Variants in ANXA6 observed in about 807,000 individuals in gnomAD.
ANXA6 encodes annexin A6, also known as 67 kDa calelectrin.
ANXA6 carries 71 observed loss-of-function variants against 95.4 expected under a neutral mutation model. That is an observed-to-expected ratio of 0.74 (90% CI 0.61 to 0.91). The LOEUF (loss-of-function observed/expected upper bound fraction) is 0.91, where lower values mean the gene tolerates loss of function less well. Ranked by LOEUF, ANXA6 falls within the 40% of genes least tolerant of loss-of-function variation. The pLI is 0.00. For synonymous variants in ANXA6, 289 were observed against 315.9 expected, an observed-to-expected ratio of 0.91 and a Z score of 0.90; for missense variants, 830 against 876.4, an observed-to-expected ratio of 0.95 and a Z score of 0.67.
chr5:151,122,044 G>C, intron 17 of ANXA6, 103 bp downstream of exon 17: 1 of 639,738 alleles, frequency 1.6e-6, no homozygotes, highest in Non-Finnish European at 2.6e-6. Context: ...AGTATGGGAG[G>C]AGTTCTACCA....
At chr5:151,144,633 A>G (rs1561584953) in intron 2 of ANXA6, among the ~76,000 whole-genome samples, 1 of 152,070 alleles carries the variant, frequency 6.6e-6, no homozygotes, top group South Asian at 2.1e-4. Context: ...TCCCCCTCAT[A>G]CAATGTGGGT....
intron 12 of ANXA6, 127 bp from the exon 13 acceptor site, chr5:151,128,366 C>T: frequency 1.3e-6 from 1 of 780,956 alleles, no homozygotes; most frequent in East Asian, 2.7e-5. Context: ...GCAGCCCTGG[C>T]CCTCCTGTGC....
At chr5:151,147,965 C>CT in intron 1 of ANXA6, 39 bp from the exon 2 acceptor site, 1 of 1,547,350 alleles carries the variant, frequency 6.5e-7, no homozygotes, top group South Asian at 1.2e-5. Context: ...TTCCCCCCAA[C>CT]TCTAACCATC....
intron 22 of ANXA6, among the ~76,000 whole-genome samples, chr5:151,109,238 A>G (rs1345387320): frequency 1.3e-5 from 2 of 152,176 alleles, no homozygotes; most frequent in Non-Finnish European, 2.9e-5. Flanking sequence ...GTAGACATTT[A>G]ATGTAGTGCC....
At chr5:151,114,794 A>G (rs1312384060) in intron 20 of ANXA6, among the ~76,000 whole-genome samples, 3 of 152,152 alleles carry the variant, frequency 2.0e-5, no homozygotes, top group Non-Finnish European at 4.4e-5. Flanking sequence ...TGGAAATTGG[A>G]CATATGTTCA....
At chr5:151,125,628 C>T (rs61503705) in intron 14 of ANXA6, among the ~76,000 whole-genome samples, 42,584 of 152,082 alleles carry the variant, frequency 0.28, 6,147 homozygotes, top group Middle Eastern at 0.35. Context: ...TAATCAGAAA[C>T]GCTGATGAAA....
chr5:151,118,402 T>C (rs1765065849), intron 18 of ANXA6, among the ~76,000 whole-genome samples: 1 of 151,970 alleles, frequency 6.6e-6, no homozygotes, highest in African/African-American at 2.4e-5. Context: ...GCTGGGACTA[T>C]AGGCACATGC....
At chr5:151,138,870 C>T (rs967896283) in intron 4 of ANXA6, 79 bp from the exon 5 acceptor site, 60 of 1,000,742 alleles carry the variant, frequency 6.0e-5, no homozygotes, top group Non-Finnish European at 9.3e-5. Flanking sequence ...ACTTAATGAG[C>T]ACTTACTCTG....
At chr5:151,106,162 T>C (rs1409279290) in intron 23 of ANXA6, among the ~76,000 whole-genome samples, 3 of 152,124 alleles carry the variant, frequency 2.0e-5, no homozygotes, top group Non-Finnish European at 4.4e-5. Flanking sequence ...CTCCCTACCC[T>C]GGCTGCAGAT....
chr5:151,123,144 T>A (rs1208915238), intron 15 of ANXA6, 133 bp from the exon 16 acceptor site: 1 of 727,426 alleles, frequency 1.4e-6, no homozygotes, highest in Non-Finnish European at 2.4e-6. Flanking sequence ...TGCTCCTGAG[T>A]CCCTGCAGTC....
At position 151,101,047 on chromosome 5, in the gene ANXA6, A is replaced by C; in HGVS notation, c.*401T>G. 1 of 469,406 alleles carries C rather than the reference A, an allele frequency of 2.1e-6. No homozygotes were observed. Among genetic ancestry groups the C allele is most frequent in the Non-Finnish European group, 4.2e-6 (1 of 236,200 alleles). 29.1% of individuals were successfully genotyped at this position (469,406 alleles called of 1,614,324 possible). The stretch of plus-strand genomic sequence containing the variant: ...TACTATCCTTCCCACCACCCCGCCC[A>C]GCACATTCAACTGGCCCCTGCCACC... On this transcript the variant is annotated 3_prime_UTR_variant, in exon 26 of 26. Coordinates refer to ENST00000354546, the MANE Select transcript of ANXA6 (RefSeq NM_001155.5).
At chr5:151,110,507 G>T in intron 21 of ANXA6, 120 bp downstream of exon 21, 2 of 1,108,468 alleles carry the variant, frequency 1.8e-6, no homozygotes, top group Non-Finnish European at 2.6e-6. Flanking sequence ...CCCGGAAGGG[G>T]AGAGAGAGAA....
At position 151,150,730 on chromosome 5, in the gene ANXA6, G is replaced by A. The variant is rs556241817; in HGVS notation, c.-25-2804C>T. The stretch of plus-strand genomic sequence containing the variant: ...CTGTACCCCCTTTCCAGTGTGTGGT[G>A]GGGGGAGGAGGGGGCCCACATCTAC... On this transcript the variant is annotated intron_variant, in intron 1 of 25. Transcript: ENST00000354546. 8.8e-4 allele frequency among the ~76,000 whole-genome samples: 134 copies of A among 152,314 alleles called. 5 individuals carry two copies. The South Asian group carries it at 0.027, about 31-fold the overall frequency.
chr5:151,129,658 G>T, intron 11 of ANXA6, 129 bp from the exon 12 acceptor site: 1 of 1,072,570 alleles, frequency 9.3e-7, no homozygotes, highest in Non-Finnish European at 1.3e-6. Context: ...AGCAGACATT[G>T]CCATTCCCAT....
At chr5:151,118,196 C>T (rs1256677789) in intron 18 of ANXA6, among the ~76,000 whole-genome samples, 2 of 151,960 alleles carry the variant, frequency 1.3e-5, no homozygotes, top group African/African-American at 4.8e-5. Context: ...AGAGCTCTGA[C>T]TATGTCACTC....
At chr5:151,155,608 G>GACC (rs1766216439) in intron 1 of ANXA6, 1 of 152,208 alleles carries the variant, frequency 6.6e-6, no homozygotes, top group South Asian at 2.1e-4. Flanking sequence ...TCACGGTAGA[G>GACC]ACCACATCCT....
At position 151,101,072 on chromosome 5, in the gene ANXA6, C is replaced by T; in HGVS notation, c.*376G>A. On this transcript the variant is annotated 3_prime_UTR_variant, in exon 26 of 26. Coordinates refer to ENST00000354546, the MANE Select transcript of ANXA6 (RefSeq NM_001155.5). ...AGCACATTCAACTGGCCCCTGCCAC[C>T]AACCCCCTCATTCAAAGTACAGACA... 2.1e-6 allele frequency: 1 copy of T among 481,730 alleles called. No homozygotes were observed. 29.8% of individuals were successfully genotyped at this position (481,730 alleles called of 1,614,324 possible). A position where few individuals can be genotyped will look rare whatever the true frequency, so the allele number is the denominator to read the frequency against.
At position 151,140,252 on chromosome 5, in the gene ANXA6, AAAAAAGTAGAGGGTGAG is replaced by A; in HGVS notation, c.19-26_19-10del. 6.2e-7 allele frequency: 1 copy of A among 1,613,370 alleles called. No individual in the cohort carries two copies. The highest frequency in any genetic ancestry group is 8.5e-7 in the Non-Finnish European group (1 of 1,179,518). ...CCCCGGTACTTGGCACCCTGTGGAG[AAAAAAGTAGAGGGTGAG>A]CTGCCAACCCCGGACTGAGACCAAG... On this transcript the variant is annotated splice_polypyrimidine_tract_variant and intron_variant, in intron 2 of 25. Transcript: ENST00000354546.
At position 151,101,472 on chromosome 5, in the gene ANXA6, C is replaced by A; in HGVS notation, c.1998G>T (p.Leu666=). The change falls in exon 26 of 26, where the codon CTG becomes CTT. Residue 666 remains leucine (L), a synonymous_variant. Coordinates refer to ENST00000354546, the MANE Select transcript of ANXA6 (RefSeq NM_001155.5). ...CCTAGTCCTCACCACCACAGAGAGC[C>A]AGCAAGGCCTTCAGGAAGTCTCCGG... ...DTSGDFLKAL[L]ALCGGED 2 of 1,561,322 alleles carry A rather than the reference C, an allele frequency of 1.3e-6. No homozygotes were observed. The highest frequency in any genetic ancestry group is 1.7e-6 in the Non-Finnish European group (2 of 1,152,640).
Sources: gnomAD v4.1 joint callset for allele counts (sites outside exome capture counted in the v4.1 genomes callset) on GRCh38, gnomAD v4.1.1 for gene constraint, MANE v1.5 for transcripts, NCBI Gene and HGNC (gene_info 2026-07-23, HGNC 2026-07-21) for gene names.